The following GRIA2 variants were observed in gnomAD, a reference collection of about 807,000 sequenced individuals.
GRIA2 encodes glutamate ionotropic receptor AMPA type subunit 2, also known as glutamate receptor 2.
Under a neutral mutation model 97.3 loss-of-function variants are expected in GRIA2, and 14 were observed. That is an observed-to-expected ratio of 0.14 (90% confidence interval 0.10 to 0.23). The LOEUF is 0.23. Among genes scored for constraint, GRIA2 ranks in the 10% least tolerant of loss-of-function variants. GRIA2 has a pLI of 1.00. For missense variants in GRIA2, 558 were observed against 1,069.8 expected, an observed-to-expected ratio of 0.52 and a Z score of 6.67; for synonymous variants, 412 against 387.8, an observed-to-expected ratio of 1.06 and a Z score of -0.73.
intron 12 of GRIA2, among the ~76,000 whole-genome samples, chr4:157,352,723 A>AAC (rs1459901098): frequency 6.7e-6 from 1 of 149,858 alleles, no homozygotes; most frequent in Non-Finnish European, 1.5e-5. Context: ...CCATCTAAAA[A>AAC]AAAAAAAAAA....
Position 157,303,775 on chromosome 4 carries a change from C to T in GRIA2, c.453C>T (p.Leu151=), listed in dbSNP as rs199799581. Residue 151 remains leucine, a synonymous_variant, in exon 3 of 16, where the codon CTC becomes CTT. Transcript: ENST00000264426. ...EYYQWDKFAY[L]YDSDRGLSTL... The stretch of plus-strand genomic sequence containing the variant: ...ATCAATGGGACAAGTTTGCATACCT[C>T]TATGACAGTGACAGAGGTAAGTGAC... The T allele has an allele frequency of 3.7e-6, 6 of 1,613,688 alleles. No homozygotes were observed. The highest frequency in any genetic ancestry group is 1.1e-5 in the South Asian group (1 of 91,072).
intron 2 of GRIA2, among the ~76,000 whole-genome samples, chr4:157,277,818 A>ATATATG (rs1732396055): frequency 7.6e-5 from 11 of 144,038 alleles, no homozygotes; most frequent in African/African-American, 2.3e-4. Context: ...TGTATGCTAT[A>ATATATG]TATATATGTA....
At chr4:157,331,559 G>A (rs1735048336) in intron 6 of GRIA2, among the ~76,000 whole-genome samples, 1 of 151,860 alleles carries the variant, frequency 6.6e-6, no homozygotes, top group African/African-American at 2.4e-5. Context: ...TTCCTTTAGA[G>A]TAGAAACAAA....
At chr4:157,343,604 A>G (rs1379687287) in intron 12 of GRIA2, among the ~76,000 whole-genome samples, 1 of 152,072 alleles carries the variant, frequency 6.6e-6, no homozygotes, top group African/African-American at 2.4e-5. Context: ...ATGAAATGAC[A>G]TTGGCTAGGT....
At chr4:157,225,666 A>G (rs187074657) in intron 2 of GRIA2, among the ~76,000 whole-genome samples, 9 of 140,086 alleles carry the variant, frequency 6.4e-5, no homozygotes, top group Admixed American at 2.9e-4. Context: ...TCTTTTGAAT[A>G]GTTTTCAAAA....
chr4:157,251,908 A>G (rs1299263709), intron 2 of GRIA2, among the ~76,000 whole-genome samples: 6 of 152,016 alleles, frequency 3.9e-5, no homozygotes, highest in Admixed American at 3.9e-4. Flanking sequence ...CATTCTTGAG[A>G]CCCTATACGG....
chr4:157,258,031 TCTTTA>T (rs1731356110), intron 2 of GRIA2, among the ~76,000 whole-genome samples: 1 of 152,134 alleles, frequency 6.6e-6, no homozygotes, highest in Non-Finnish European at 1.5e-5. Flanking sequence ...CCTATGCCTG[TCTTTA>T]CTTTAATCTC....
chr4:157,229,001 A>G (rs1438612881), intron 2 of GRIA2, among the ~76,000 whole-genome samples: 1 of 151,956 alleles, frequency 6.6e-6, no homozygotes, highest in East Asian at 1.9e-4. Context: ...TTGTTTTAGT[A>G]ACTCCCTCCC....
At chr4:157,227,447 A>G (rs1729799662) in intron 2 of GRIA2, among the ~76,000 whole-genome samples, 1 of 152,172 alleles carries the variant, frequency 6.6e-6, no homozygotes, top group Non-Finnish European at 1.5e-5. Context: ...TTCAGAGAGT[A>G]TGTGTTTTTT....
chr4:157,257,883 G>T (rs186322934), intron 2 of GRIA2, among the ~76,000 whole-genome samples: 4 of 152,150 alleles, frequency 2.6e-5, no homozygotes, highest in African/African-American at 9.6e-5. Context: ...AAATTGTGAA[G>T]ATTTCATGGA....
rs1365414268 is a variant in GRIA2 at position 157,365,206 on chromosome 4, G to A, written c.*1775G>A. 6.6e-6 allele frequency: 1 copy of A among 151,650 alleles called. No homozygotes were observed. The highest frequency in any genetic ancestry group is 1.5e-5 in the Non-Finnish European group (1 of 67,674). The allele number at this position is 151,650 out of a possible 1,614,324, so 9.4% of individuals were successfully genotyped here. ...GCACTTGCATTGAACATGGAGGCAT[G>A]TGGTATCATGATATTCTTCACTAAA... On this transcript the variant is annotated 3_prime_UTR_variant, in exon 16 of 16. Transcript: ENST00000264426.
chr4:157,312,913 G>A (rs1734147667), intron 4 of GRIA2, 38 bp downstream of exon 4: 1 of 1,178,696 alleles, frequency 8.5e-7, no homozygotes, highest in East Asian at 2.4e-5. Context: ...GCCAGATATA[G>A]AATATGCATG....
At chr4:157,230,563 C>T (rs1333303580) in intron 2 of GRIA2, among the ~76,000 whole-genome samples, 7 of 71,060 alleles carry the variant, frequency 9.9e-5, no homozygotes, top group African/African-American at 2.9e-4. Context: ...TCCTTCTTTC[C>T]TTCCTTCCTT....
intron 4 of GRIA2, among the ~76,000 whole-genome samples, chr4:157,315,255 G>T (rs1734258718): frequency 6.6e-6 from 1 of 151,562 alleles, no homozygotes; most frequent in African/African-American, 2.4e-5. Context: ...TATACTAATG[G>T]GATACACTAT....
intron 6 of GRIA2, among the ~76,000 whole-genome samples, chr4:157,324,839 T>C (rs1734735967): frequency 6.6e-6 from 1 of 152,166 alleles, no homozygotes; most frequent in Non-Finnish European, 1.5e-5. Context: ...ACCCTCTAAA[T>C]ATAAACAAAG....
At chr4:157,324,186 A>G (rs1292025191) in intron 6 of GRIA2, among the ~76,000 whole-genome samples, 2 of 152,168 alleles carry the variant, frequency 1.3e-5, no homozygotes, top group Non-Finnish European at 2.9e-5. Flanking sequence ...GTGTATTCCA[A>G]CTTTAACATT....
chr4:157,248,406 A>G (rs1476171206), intron 2 of GRIA2, among the ~76,000 whole-genome samples: 1 of 149,828 alleles, frequency 6.7e-6, no homozygotes, highest in Non-Finnish European at 1.5e-5. Flanking sequence ...TAATATATTC[A>G]AAATACAAAA....
intron 6 of GRIA2, among the ~76,000 whole-genome samples, chr4:157,325,418 T>G (rs989586090): frequency 3.9e-5 from 6 of 152,178 alleles, no homozygotes; most frequent in African/African-American, 1.4e-4. Context: ...TATGAATTCA[T>G]TTATTTACTC....
chr4:157,303,442 AAT>A, intron 2 of GRIA2, 108 bp from the exon 3 acceptor site: 2 of 817,040 alleles, frequency 2.4e-6, no homozygotes, highest in Non-Finnish European at 3.9e-6. Flanking sequence ...TATTTCTTTC[AAT>A]ATGTTAATTT....
Sources: gnomAD v4.1 joint callset for allele counts (sites outside exome capture counted in the v4.1 genomes callset) on GRCh38, gnomAD v4.1.1 for gene constraint, MANE v1.5 for transcripts, NCBI Gene and HGNC (gene_info 2026-07-23, HGNC 2026-07-21) for gene names.